Variants in EVC2 observed in about 807,000 individuals in gnomAD.
EVC2 encodes limbin.
EVC2 carries 148 observed loss-of-function variants against 149.3 expected under a neutral mutation model. The ratio of observed to expected loss-of-function variants is 0.99; its 90% CI spans 0.87 to 1.14. EVC2 has a LOEUF of 1.14. Among genes scored for constraint, EVC2 ranks in the 50% most tolerant of loss-of-function variants. The pLI is 0.00. For synonymous variants in EVC2, 776 were observed against 649.9 expected (o/e 1.19, Z -2.95); for missense variants, 1,854 against 1,627.3 (o/e 1.14, Z -2.40).
intron 16 of EVC2, among the ~76,000 whole-genome samples, chr4:5,609,990 G>C (rs148375245): frequency 1.4e-4 from 21 of 152,168 alleles, no homozygotes; most frequent in African/African-American, 4.8e-4. Context: ...CAAGGCACAG[G>C]TCAGTATAGC....
chr4:5,628,981 A>G (rs2108847610), intron 11 of EVC2, among the ~76,000 whole-genome samples: 1 of 152,328 alleles, frequency 6.6e-6, no homozygotes, highest in East Asian at 1.9e-4. Context: ...GAACAACTTC[A>G]CTGCCCTACG....
chr4:5,638,319 G>C (rs1325775006), intron 10 of EVC2, among the ~76,000 whole-genome samples: 1 of 152,006 alleles, frequency 6.6e-6, no homozygotes, highest in East Asian at 1.9e-4. Flanking sequence ...AGCCCAGGAG[G>C]TGGAGGTTGC....
In EVC2 at chr4:5,686,005, T is replaced by C. The variant is rs568138181; in HGVS notation, c.707-526A>G. Among the ~76,000 whole-genome samples the C allele has an allele frequency of 2.0e-5, 3 of 152,076 alleles. No homozygotes were observed. The highest frequency in any genetic ancestry group is 4.4e-5 in the Non-Finnish European group (3 of 68,016). ...CTTATAGCCCTAAAACGCCACAATA[T>C]GCCTCATTTCTCAATGTATGCAGAC... is the stretch of plus-strand genomic sequence containing the variant. On this transcript the variant is annotated intron_variant, in intron 5 of 21. Coordinates refer to ENST00000344408, the MANE Select transcript of EVC2 (RefSeq NM_147127.5). The surrounding 1 kb of genome is among the most constrained non-coding windows in gnomAD (Gnocchi z 5.4).
At chr4:5,596,380 C>T (rs1041630937) in intron 16 of EVC2, among the ~76,000 whole-genome samples, 2 of 152,282 alleles carry the variant, frequency 1.3e-5, no homozygotes, top group South Asian at 4.2e-4. Context: ...TCTGAGACCA[C>T]GGTGCAATCA....
rs1719605646 is a variant in EVC2 at position 5,670,850 on chromosome 4, C to T, written c.871-5201G>A. Among the ~76,000 whole-genome samples, 1 of 151,936 alleles carries T rather than the reference C, an allele frequency of 6.6e-6. No homozygotes were observed. The highest frequency in any genetic ancestry group is 1.5e-5 in the Non-Finnish European group (1 of 67,978). On this transcript the variant is annotated intron_variant, in intron 7 of 21. Coordinates refer to ENST00000344408, the MANE Select transcript of EVC2 (RefSeq NM_147127.5). This position sits in a 1 kb window ranked among gnomAD's most constrained non-coding sequence, Gnocchi z 5.2. ...ATCACTATCAACATCATCAATATCC[C>T]CATCACCACCATCATTATCAACATC...
At chr4:5,692,703 T>C (rs185615629) in intron 3 of EVC2, among the ~76,000 whole-genome samples, 4,028 of 150,236 alleles carry the variant, frequency 0.027, 73 homozygotes, top group Non-Finnish European at 0.038. Flanking sequence ...CCGTCTCTAC[T>C]AAAAATACAA....
At chr4:5,605,332 T>C (rs892747447) in intron 16 of EVC2, among the ~76,000 whole-genome samples, 2 of 152,150 alleles carry the variant, frequency 1.3e-5, no homozygotes, top group Non-Finnish European at 2.9e-5. Flanking sequence ...TTGGGAACTC[T>C]GCTCTACAAA....
At chr4:5,605,628 G>A (rs1394416939) in intron 16 of EVC2, among the ~76,000 whole-genome samples, 1 of 152,228 alleles carries the variant, frequency 6.6e-6, no homozygotes, top group Non-Finnish European at 1.5e-5. Flanking sequence ...AGATGTTGAA[G>A]CAAGAGAAAG....
At chr4:5,551,469 T>C (rs546286967) in intron 21 of EVC2, among the ~76,000 whole-genome samples, 2 of 152,356 alleles carry the variant, frequency 1.3e-5, no homozygotes, top group East Asian at 1.9e-4. Context: ...CCATTTGGAA[T>C]GGCTGTATTT....
intron 11 of EVC2, among the ~76,000 whole-genome samples, chr4:5,631,207 A>G (rs1470145010): frequency 6.6e-6 from 1 of 152,184 alleles, no homozygotes; most frequent in African/African-American, 2.4e-5. Flanking sequence ...ATATACATCA[A>G]TACATGCACA....
intron 2 of EVC2, among the ~76,000 whole-genome samples, chr4:5,695,256 G>T (rs1042801943): frequency 1.6e-4 from 24 of 151,962 alleles, no homozygotes; most frequent in African/African-American, 5.3e-4. Flanking sequence ...GGTGAGGCAG[G>T]GGAATCGCTT....
chr4:5,573,527 G>A (rs893242554), intron 19 of EVC2, among the ~76,000 whole-genome samples: 4 of 152,206 alleles, frequency 2.6e-5, no homozygotes, highest in Admixed American at 2.6e-4. Flanking sequence ...GCTGAACCCT[G>A]CCAATTACTT....
At chr4:5,593,325 C>A (rs73198110) in intron 16 of EVC2, among the ~76,000 whole-genome samples, 1 of 152,094 alleles carries the variant, frequency 6.6e-6, no homozygotes, top group African/African-American at 2.4e-5. Context: ...TTCAAGTGTG[C>A]GTTACTTCCT....
At chr4:5,680,716 C>T (rs1284604475) in intron 7 of EVC2, among the ~76,000 whole-genome samples, 2 of 152,172 alleles carry the variant, frequency 1.3e-5, no homozygotes, top group African/African-American at 2.4e-5. Flanking sequence ...TGACATAATT[C>T]CACATAAGTA....
intron 9 of EVC2, among the ~76,000 whole-genome samples, 194 bp downstream of exon 9, chr4:5,662,913 G>C (rs2108895535): frequency 6.6e-6 from 1 of 151,642 alleles, no homozygotes. Context: ...GACTTCCTTA[G>C]AGCAGGAAGT....
At position 5,576,098 on chromosome 4, in the gene EVC2, G is replaced by A. The variant is rs1722904479; in HGVS notation, c.3272+142C>T. On this transcript the variant is annotated intron_variant, in intron 18 of 21. Coordinates refer to ENST00000344408, the MANE Select transcript of EVC2 (RefSeq NM_147127.5). This position sits in a 1 kb window ranked among gnomAD's most constrained non-coding sequence, Gnocchi z 4.5. ...GAAAGAGTATGCTACAAAGCCAGCA[G>A]CTCGTGTTGGAGCAATGGGATGACA... The A allele has an allele frequency of 2.3e-6, 3 of 1,311,258 alleles. No homozygotes were observed. The highest frequency in any genetic ancestry group is 3.2e-6 in the Non-Finnish European group (3 of 931,150). 81.2% of individuals were successfully genotyped at this position (1,311,258 alleles called of 1,614,324 possible). A position where few individuals can be genotyped will look rare whatever the true frequency, so the allele number is the denominator to read the frequency against.
chr4:5,688,115 T>A (rs1338913137), intron 5 of EVC2, among the ~76,000 whole-genome samples: 1 of 152,146 alleles, frequency 6.6e-6, no homozygotes, highest in African/African-American at 2.4e-5. Flanking sequence ...AGCTGGGACA[T>A]CTCATAACAA....
rs1382381005 is a variant in EVC2, at chr4:5,665,602, G to A, written c.918C>T (p.Phe306=). 15 of 1,614,110 alleles carry A rather than the reference G, an allele frequency of 9.3e-6. No homozygotes were observed. Among genetic ancestry groups the A allele is most frequent in the Non-Finnish European group, 1.2e-5 (14 of 1,180,046 alleles). Residue 306 remains phenylalanine (F), a synonymous_variant, in exon 8 of 22, where the codon TTC becomes TTT. Transcript: ENST00000344408. ...GLHAAGFFIA[F]LLSLVLTWAA... is the part of the protein sequence containing the mutation. ...CCCAGGTCAGCACAAGGGAGAGGAG[G>A]AAGGCAATGAAGAACCCTGCTGCGT... is the stretch of plus-strand genomic sequence containing the variant.
intron 21 of EVC2, among the ~76,000 whole-genome samples, chr4:5,546,499 G>C (rs1004451485): frequency 5.9e-5 from 9 of 151,954 alleles, no homozygotes; most frequent in South Asian, 4.2e-4. Context: ...CTCACTCATA[G>C]GTGGGAATTG....
Sources: allele counts gnomAD v4.1 joint callset (sites outside exome capture counted in the v4.1 genomes callset), GRCh38; gene constraint gnomAD v4.1.1; non-coding constraint Gnocchi (gnomAD v3.1); transcripts MANE v1.5; gene names NCBI Gene and HGNC (gene_info 2026-07-23, HGNC 2026-07-21).